PDZD2: variants seen among roughly 807,000 people sequenced by gnomAD.
The protein encoded by PDZD2 is PDZ domain containing 2.
PDZD2 carries 90 observed loss-of-function variants against 220.7 expected under a neutral mutation model. The ratio of observed to expected loss-of-function variants is 0.41; its 90% confidence interval spans 0.34 to 0.49. The LOEUF (loss-of-function observed/expected upper bound fraction) is 0.49, where lower values mean the gene tolerates loss of function less well. Ranked by LOEUF, PDZD2 falls within the 20% of genes least tolerant of loss-of-function variation. PDZD2 has a pLI of 0.28. For synonymous variants in PDZD2, 1,375 were observed against 1,450.5 expected (o/e 0.95, Z 1.18); for missense variants, 3,174 against 3,608.5 (o/e 0.88, Z 3.08).
chr5:31,645,164 G>A (rs1029496409), intron 1 of PDZD2, among the ~76,000 whole-genome samples: 3 of 152,060 alleles, frequency 2.0e-5, no homozygotes, highest in Admixed American at 2.0e-4. Flanking sequence ...TTGCCTTCAG[G>A]GAGGAATAAA....
chr5:31,872,171 A>G (rs541349307), intron 2 of PDZD2, among the ~76,000 whole-genome samples: 10 of 59,820 alleles, frequency 1.7e-4, no homozygotes, highest in African/African-American at 4.9e-4. Context: ...GTGTGTGTGT[A>G]ACCAGCCCAC....
Position 31,671,103 on chromosome 5 carries a change from A to T in PDZD2, c.-361+31666A>T, listed in dbSNP as rs1450727881. Among the ~76,000 whole-genome samples, 3 of 152,096 alleles carry T rather than the reference A, an allele frequency of 2.0e-5. No individual in the cohort carries two copies. In the East Asian group the frequency reaches 5.8e-4, roughly 29 times the overall value. On this transcript the variant is annotated intron_variant, in intron 1 of 24. Coordinates refer to ENST00000438447, the MANE Select transcript of PDZD2 (RefSeq NM_178140.4). ...CAGGCAGGGTGGCTTGGGAGCTAGG[A>T]CCACGATGTCTGCTACAATCCATTC...
intron 19 of PDZD2, 137 bp from the exon 20 acceptor site, chr5:32,086,993 GA>G: frequency 1.6e-6 from 1 of 617,832 alleles, no homozygotes; most frequent in Non-Finnish European, 2.8e-6. Flanking sequence ...CCAGCTTTCT[GA>G]AAAAGAAAAA....
chr5:31,661,788 T>TTTG (rs1225132714), intron 1 of PDZD2, among the ~76,000 whole-genome samples: 1 of 150,766 alleles, frequency 6.6e-6, no homozygotes, highest in Non-Finnish European at 1.5e-5. Flanking sequence ...TCCCTTGGTT[T>TTTG]TTTTTTTTTT....
chr5:31,666,236 C>A (rs889723739), intron 1 of PDZD2, among the ~76,000 whole-genome samples: 6 of 152,168 alleles, frequency 3.9e-5, no homozygotes, highest in African/African-American at 1.4e-4. Flanking sequence ...CAGCCTCAGT[C>A]TTGGAGCAGA....
rs1554022750 is a variant in PDZD2 at position 32,003,384 on chromosome 5, C to CCT, written c.1254+3114_1254+3115insTC. Among the ~76,000 whole-genome samples the CCT allele has an allele frequency of 5.4e-4, 44 of 81,252 alleles. 1 individual carries two copies. In the East Asian group the frequency reaches 9.3e-3, roughly 17 times the overall value. The allele number at this position is 81,252 out of a possible 152,430, so 53.3% of individuals were successfully genotyped here. ...ACACCACACACACACCACACACACA[C>CCT]CCACACACACCACACACACACTCCT... On this transcript the variant is annotated intron_variant, in intron 5 of 24. Coordinates refer to ENST00000438447, the MANE Select transcript of PDZD2 (RefSeq NM_178140.4).
chr5:31,925,830 A>G (rs1208898472), intron 2 of PDZD2, among the ~76,000 whole-genome samples: 1 of 152,172 alleles, frequency 6.6e-6, no homozygotes, highest in African/African-American at 2.4e-5. Flanking sequence ...CAGGGAAGAC[A>G]TACAAGTGGC....
chr5:31,792,168 C>T (rs1753765639), intron 1 of PDZD2, among the ~76,000 whole-genome samples: 1 of 152,200 alleles, frequency 6.6e-6, no homozygotes. Context: ...ACGCTTCTGA[C>T]ACAAACTACA....
chr5:31,639,429 C>A lies in PDZD2; in HGVS notation c.-369C>A, dbSNP rs1744848840. The A allele has an allele frequency of 6.6e-6, 1 of 151,724 alleles. No individual in the cohort carries two copies. The highest frequency in any genetic ancestry group is 1.5e-5 in the Non-Finnish European group (1 of 67,878). The allele number at this position is 151,724 out of a possible 1,614,324, so 9.4% of individuals were successfully genotyped here. On this transcript the variant is annotated 5_prime_UTR_variant, in exon 1 of 25. Transcript: ENST00000438447. The surrounding 1 kb of genome is among the most constrained non-coding windows in gnomAD (Gnocchi z 4.1). ...GAAGCCGCGGGAGCCTCGGCCAAGC[C>A]GCGAGCAGGTGAAGCGACCGTCCCG...
At chr5:31,991,398 G>A (rs1432467103) in intron 3 of PDZD2, among the ~76,000 whole-genome samples, 1 of 152,160 alleles carries the variant, frequency 6.6e-6, no homozygotes, top group East Asian at 1.9e-4. Context: ...TACAGATGGT[G>A]CTCGTGGTTC....
At chr5:32,055,198 T>C (rs746720326) in intron 10 of PDZD2, among the ~76,000 whole-genome samples, 1 of 152,106 alleles carries the variant, frequency 6.6e-6, no homozygotes, top group Non-Finnish European at 1.5e-5. Context: ...TACATATATA[T>C]ATTTATTTTA....
intron 2 of PDZD2, among the ~76,000 whole-genome samples, chr5:31,926,536 A>AAAG (rs1367390284): frequency 2.0e-5 from 3 of 151,540 alleles, no homozygotes; most frequent in Non-Finnish European, 4.4e-5. Flanking sequence ...GAAAAAAAAA[A>AAAG]AAAAAAAAAG....
At chr5:31,727,651 G>A (rs1178640357) in intron 1 of PDZD2, among the ~76,000 whole-genome samples, 1 of 143,214 alleles carries the variant, frequency 7.0e-6, no homozygotes, top group Non-Finnish European at 1.5e-5. Context: ...AGTGAGCCGA[G>A]ATCGTGCCAT....
rs143825085 is a variant in PDZD2, at chr5:31,686,172, C to T, written c.-361+46735C>T. ...CTGGGAGGCAGAGGTTGCAGTGAGCCGAGATTGTGCCACTGTACTCTAGCC... is the reference window on the plus strand; with the variant it reads ...CTGGGAGGCAGAGGTTGCAGTGAGCTGAGATTGTGCCACTGTACTCTAGCC... On this transcript the variant is annotated intron_variant, in intron 1 of 24. Transcript: ENST00000438447. 1.7e-3 allele frequency among the ~76,000 whole-genome samples: 260 copies of T among 151,244 alleles called. 1 individual carries two copies. Among genetic ancestry groups the T allele is most frequent in the African/African-American group, 5.4e-3 (223 of 41,202 alleles).
At chr5:31,960,277 C>T (rs1366718193) in intron 2 of PDZD2, among the ~76,000 whole-genome samples, 1 of 151,734 alleles carries the variant, frequency 6.6e-6, no homozygotes, top group African/African-American at 2.4e-5. Context: ...AGTGCCATGG[C>T]GCGATCTCGG....
chr5:31,963,072 T>C (rs912756885), intron 2 of PDZD2, among the ~76,000 whole-genome samples: 4 of 152,160 alleles, frequency 2.6e-5, no homozygotes, highest in African/African-American at 9.7e-5. Context: ...CTCTAAAACA[T>C]GTTTGTGGCT....
rs746462508 is a variant in PDZD2, at chr5:31,699,792, G to GA, written c.-361+60355_-361+60356insA. Among the ~76,000 whole-genome samples the GA allele has an allele frequency of 1.9e-4, 26 of 134,318 alleles. No homozygotes were observed. In the East Asian group the frequency reaches 5.4e-3, roughly 28 times the overall value. The allele number at this position is 134,318 out of a possible 152,430, so 88.1% of individuals were successfully genotyped here. On this transcript the variant is annotated intron_variant, in intron 1 of 24. Coordinates refer to ENST00000438447, the MANE Select transcript of PDZD2 (RefSeq NM_178140.4). ...GTTTTTTTTTGTTTGTTTTTTTTTT[G>GA]TTTTTTTTTTGGTATTTTAGTAGAG...
At chr5:32,003,121 C>A in intron 5 of PDZD2, among the ~76,000 whole-genome samples, 1 of 36,140 alleles carries the variant, frequency 2.8e-5, no homozygotes, top group East Asian at 5.8e-4. Context: ...ACACACCACG[C>A]GCCACACACA....
chr5:31,712,451 C>CCTCTCTCT (rs72212182), intron 1 of PDZD2, among the ~76,000 whole-genome samples: 35 of 131,448 alleles, frequency 2.7e-4, no homozygotes, highest in African/African-American at 8.4e-4. Flanking sequence ...GCTGGGCCTG[C>CCTCTCTCT]CTCTCTCTCT....
Sources: allele counts gnomAD v4.1 joint callset (sites outside exome capture counted in the v4.1 genomes callset), GRCh38; gene constraint gnomAD v4.1.1; non-coding constraint Gnocchi (gnomAD v3.1); transcripts MANE v1.5; gene names NCBI Gene and HGNC (gene_info 2026-07-23, HGNC 2026-07-21).